Variants in SPTAN1 observed in about 807,000 individuals in gnomAD.
SPTAN1 encodes spectrin alpha chain, non-erythrocytic 1.
Under a neutral mutation model 331.3 loss-of-function variants are expected in SPTAN1, and 61 were observed. That is an observed-to-expected ratio of 0.18 (90% CI 0.15 to 0.23). The LOEUF is 0.23. Ranked by LOEUF, SPTAN1 falls within the 10% of genes least tolerant of loss-of-function variation. The pLI, the probability that SPTAN1 is intolerant of heterozygous loss-of-function variation, is 1.00. For missense variants in SPTAN1, 2,043 were observed against 3,147.9 expected (o/e 0.65, Z 8.40); for synonymous variants, 1,153 against 1,173.9 (o/e 0.98, Z 0.36).
chr9:128,575,907 C>G (rs562824814), intron 5 of SPTAN1, among the ~76,000 whole-genome samples: 2 of 152,156 alleles, frequency 1.3e-5, no homozygotes, highest in African/African-American at 4.8e-5. Flanking sequence ...ATCAAGTACT[C>G]GGAACCAGAG....
chr9:128,598,284 T>C, intron 24 of SPTAN1, 116 bp from the exon 25 acceptor site: 3 of 754,374 alleles, frequency 4.0e-6, no homozygotes, highest in Middle Eastern at 3.8e-4. Flanking sequence ...CTTTTTTTTT[T>C]TTGGTAGGCC....
chr9:128,555,236 G>A lies in SPTAN1; in HGVS notation c.-4+2540G>A, dbSNP rs542757208. ...GAGAGAAGACACTGAAAAAATATCT[G>A]AAATTGGATTTTTAATCTGTATTCA... On this transcript the variant is annotated intron_variant, in intron 1 of 56. Transcript: ENST00000372739. 19 of 721,578 alleles carry A rather than the reference G, an allele frequency of 2.6e-5. No homozygotes were observed. The South Asian group carries it at 3.2e-4, about 12-fold the overall frequency. The allele number at this position is 721,578 out of a possible 1,614,324, so 44.7% of individuals were successfully genotyped here.
At position 128,604,394 on chromosome 9, in the gene SPTAN1, C is replaced by G; in HGVS notation, c.3696C>G (p.Ala1232=). The G allele has an allele frequency of 6.2e-7, 1 of 1,613,652 alleles. No individual in the cohort carries two copies. Among genetic ancestry groups the G allele is most frequent in the Non-Finnish European group, 8.5e-7 (1 of 1,179,832 alleles). ...AACGGAGCCAGCTCTTGGGCAGCGC[C>G]CATGAAGTACAGAGGTTCCACAGGT... ...AEERSQLLGS[A]HEVQRFHRDA... Residue 1232 remains alanine, a synonymous_variant, in exon 29 of 57, where the codon GCC becomes GCG. Transcript: ENST00000372739.
rs1589190167 is a variant in SPTAN1 at position 128,577,611 on chromosome 9, T to G, written c.1085+105T>G. On this transcript the variant is annotated intron_variant, in intron 8 of 56. Transcript: ENST00000372739. This position sits in a 1 kb window ranked among gnomAD's most constrained non-coding sequence, Gnocchi z 4.2. ...TTCTGTGTTCTGTGAAAGTGTCAGG[T>G]ATCACCTACAAATGCAAATCACTTC... 6.8e-7 allele frequency: 1 copy of G among 1,476,356 alleles called. No homozygotes were observed. Among genetic ancestry groups the G allele is most frequent in the Non-Finnish European group, 9.4e-7 (1 of 1,064,160 alleles). The allele number at this position is 1,476,356 out of a possible 1,614,324, so 91.5% of individuals were successfully genotyped here.
In SPTAN1 at chr9:128,611,592, CGTT is replaced by C. The variant is rs1856566790; in HGVS notation, c.4774-120_4774-118del. 4 of 1,114,602 alleles carry C rather than the reference CGTT, an allele frequency of 3.6e-6. No individual in the cohort carries two copies. In the South Asian group the frequency reaches 5.3e-5, roughly 15 times the overall value. 69.0% of individuals were successfully genotyped at this position (1,114,602 alleles called of 1,614,324 possible). On this transcript the variant is annotated intron_variant, in intron 37 of 56. Coordinates refer to ENST00000372739, the MANE Select transcript of SPTAN1 (RefSeq NM_001130438.3). ...AACTCCAATTGCCTTCTGTTAAAAACGTTGGCATTTACCCCAGTTCTTTATGTT... is the reference window on the plus strand; with the variant it reads ...AACTCCAATTGCCTTCTGTTAAAAACGGCATTTACCCCAGTTCTTTATGTT...
intron 23 of SPTAN1, 66 bp from the exon 24 acceptor site, chr9:128,594,109 T>C: frequency 6.4e-7 from 1 of 1,550,870 alleles, no homozygotes; most frequent in Non-Finnish European, 8.9e-7. Context: ...GTGGTTTGCC[T>C]TTATGTTAGC....
chr9:128,604,328 G>A lies in SPTAN1; in HGVS notation c.3630G>A (p.Glu1210=), dbSNP rs1193095032. 2 of 1,613,996 alleles carry A rather than the reference G, an allele frequency of 1.2e-6. No individual in the cohort carries two copies. The highest frequency in any genetic ancestry group is 8.5e-7 in the Non-Finnish European group (1 of 1,179,938). Residue 1210 remains glutamate, a splice_region_variant and synonymous_variant, in exon 29 of 57, where the codon GAG becomes GAA. Transcript: ENST00000372739. Reference sequence around the variant, plus strand: ...GCTGATGTTTTGCTGTCCTGCAGGAGCTGAATGAGCGCTGGCGGTCCCTAC... The same window carrying A: ...GCTGATGTTTTGCTGTCCTGCAGGAACTGAATGAGCGCTGGCGGTCCCTAC... The part of the protein sequence containing the change: ...HTVATFNSIK[E]LNERWRSLQQ...
At position 128,577,125 on chromosome 9, in the gene SPTAN1, G is replaced by C; in HGVS notation, c.786-4G>C. 1 of 1,614,204 alleles carries C rather than the reference G, an allele frequency of 6.2e-7. No individual in the cohort carries two copies. Among genetic ancestry groups the C allele is most frequent in the Non-Finnish European group, 8.5e-7 (1 of 1,180,036 alleles). On this transcript the variant is annotated splice_region_variant and splice_polypyrimidine_tract_variant and intron_variant, in intron 6 of 56. Transcript: ENST00000372739. This position sits in a 1 kb window ranked among gnomAD's most constrained non-coding sequence, Gnocchi z 4.2. ...GTGGATTAACTGGTGCCTTTGTTCT[G>C]TAGGGATGTGGATGAGACTATCAGT...
At chr9:128,606,954 C>T (rs946646723) in intron 31 of SPTAN1, among the ~76,000 whole-genome samples, 7 of 152,164 alleles carry the variant, frequency 4.6e-5, no homozygotes, top group African/African-American at 1.7e-4. Context: ...TAATCACCCC[C>T]TCTTCTCTCT....
Position 128,552,793 on chromosome 9 carries a change from G to A in SPTAN1, c.-4+97G>A, listed in dbSNP as rs1848273721. On this transcript the variant is annotated intron_variant, in intron 1 of 56. Coordinates refer to ENST00000372739, the MANE Select transcript of SPTAN1 (RefSeq NM_001130438.3). The surrounding 1 kb of genome is among the most constrained non-coding windows in gnomAD (Gnocchi z 4.6). Reference sequence around the variant, plus strand: ...GCAGCTCTTCAGGCGGGGCGGGGCCGGCGCGCGGACAGGTGAGCCGGGCGG... The same window carrying A: ...GCAGCTCTTCAGGCGGGGCGGGGCCAGCGCGCGGACAGGTGAGCCGGGCGG... 2 of 152,006 alleles carry A rather than the reference G, an allele frequency of 1.3e-5. No individual in the cohort carries two copies. The highest frequency in any genetic ancestry group is 1.9e-4 in the East Asian group (1 of 5,142). The allele number at this position is 152,006 out of a possible 1,614,324, so 9.4% of individuals were successfully genotyped here.
chr9:128,553,789 T>TA (rs571368691), intron 1 of SPTAN1, among the ~76,000 whole-genome samples: 93 of 152,272 alleles, frequency 6.1e-4, no homozygotes, highest in African/African-American at 2.2e-3. Context: ...TAGAAAAACT[T>TA]ACCATCATGG....
chr9:128,589,562 C>T (rs536232856), intron 21 of SPTAN1, among the ~76,000 whole-genome samples: 41 of 138,942 alleles, frequency 3.0e-4, no homozygotes, highest in Admixed American at 1.0e-3. Flanking sequence ...AGGCATGAGC[C>T]GCCGTGCCCG....
At chr9:128,606,487 A>T (rs11296426) in intron 31 of SPTAN1, among the ~76,000 whole-genome samples, 1,684 of 7,466 alleles carry the variant, frequency 0.23, 40 homozygotes, top group East Asian at 0.5. Flanking sequence ...ATATATATAT[A>T]TTTTTTTTTT....
chr9:128,605,470 G>A lies in SPTAN1; in HGVS notation c.4039G>A (p.Asp1347Asn), dbSNP rs574740801. 4.6e-5 allele frequency: 75 copies of A among 1,614,024 alleles called. No individual in the cohort carries two copies. The highest frequency in any genetic ancestry group is 2.8e-4 in the Admixed American group (17 of 59,998). Residue 1347 changes from aspartate (D) to asparagine (N), a missense_variant, in exon 31 of 57, where the codon GAT (aspartate) becomes AAT (asparagine). This residue lies in a region of SPTAN1 where 179 missense variants were observed against 215.7 expected (regional missense o/e 0.83). Coordinates refer to ENST00000372739, the MANE Select transcript of SPTAN1 (RefSeq NM_001130438.3). Reference protein sequence around the residue: ...DSHDLQRFLSDFRDLMSWING... With the variant: ...DSHDLQRFLSNFRDLMSWING... The stretch of plus-strand genomic sequence containing the variant: ...CCACGACCTGCAGCGCTTCCTTAGC[G>A]ATTTCCGGTACGGAGCCATGTTCAC...
chr9:128,616,595 C>T (rs917273949), intron 41 of SPTAN1, among the ~76,000 whole-genome samples: 7 of 150,542 alleles, frequency 4.6e-5, no homozygotes, highest in East Asian at 4.0e-4. Flanking sequence ...GGTGAAACCC[C>T]GTCTCTACTA....
chr9:128,624,014 C>T (rs1038001216), intron 45 of SPTAN1, among the ~76,000 whole-genome samples: 22 of 132,124 alleles, frequency 1.7e-4, no homozygotes, highest in Non-Finnish European at 2.8e-4. Flanking sequence ...ACCCGGGAGG[C>T]GGAGGTTGCA....
At chr9:128,624,629 C>A in intron 46 of SPTAN1, 142 bp downstream of exon 46, 2 of 1,082,086 alleles carry the variant, frequency 1.8e-6, no homozygotes, top group Non-Finnish European at 2.7e-6. Context: ...AGACCACTGA[C>A]TGCCAGCTAG....
Position 128,612,797 on chromosome 9 carries a change from G to A in SPTAN1, c.5043+551G>A, listed in dbSNP as rs373455470. Among the ~76,000 whole-genome samples, 30 of 152,188 alleles carry A rather than the reference G, an allele frequency of 2.0e-4. 1 individual carries two copies. In the East Asian group the frequency reaches 5.6e-3, roughly 28 times the overall value. ...AAAAATTAGCCAGGCGTGGTGGCAC[G>A]CTCCTGTAATCCCAGCTACTCAGGA... On this transcript the variant is annotated intron_variant, in intron 39 of 56. Transcript: ENST00000372739.
intron 56 of SPTAN1, 91 bp downstream of exon 56, chr9:128,633,046 C>T (rs1860059739): frequency 8.8e-6 from 14 of 1,593,192 alleles, no homozygotes; most frequent in African/African-American, 1.3e-5. Context: ...ACAGGCCCTG[C>T]GCTGGGTATT....
Sources: gnomAD v4.1 joint callset for allele counts (sites outside exome capture counted in the v4.1 genomes callset) on GRCh38, gnomAD v4.1.1 for gene constraint, gnomAD v4.1.1 regional missense constraint, Gnocchi (gnomAD v3.1) non-coding constraint, MANE v1.5 for transcripts, NCBI Gene and HGNC (gene_info 2026-07-23, HGNC 2026-07-21) for gene names.